FBXO43: variants seen among roughly 807,000 people sequenced by gnomAD.
FBXO43 encodes the protein F-box only protein 43.
In FBXO43, 22 loss-of-function variants were observed where a neutral mutation model predicts 56.7. The observed-to-expected ratio is 0.39, with a 90% confidence interval of 0.28 to 0.55. The LOEUF (loss-of-function observed/expected upper bound fraction) is 0.55, where lower values mean the gene tolerates loss of function less well. Ranked by LOEUF, FBXO43 falls within the 20% of genes least tolerant of loss-of-function variation. The pLI is 0.66. For missense variants in FBXO43, 733 were observed against 814.9 expected, an observed-to-expected ratio of 0.90 and a Z score of 1.22; for synonymous variants, 306 against 294.5, an observed-to-expected ratio of 1.04 and a Z score of -0.40.
chr8:100,148,950 T>G (rs1435581505), upstream of FBXO43, among the ~76,000 whole-genome samples: 1 of 152,196 alleles, frequency 6.6e-6, no homozygotes, highest in African/African-American at 2.4e-5. Context: ...CTCCATAACC[T>G]TCTTAATAAA....
At chr8:100,149,078 T>C (rs879563100), upstream of FBXO43, among the ~76,000 whole-genome samples, 1 of 152,188 alleles carries the variant, frequency 6.6e-6, no homozygotes, top group Non-Finnish European at 1.5e-5. Flanking sequence ...TCATTGATAA[T>C]AGTGTAGCTT....
At chr8:100,139,919 T>C (rs778772572) in intron 2 of FBXO43, among the ~76,000 whole-genome samples, 3 of 152,204 alleles carry the variant, frequency 2.0e-5, no homozygotes, top group Non-Finnish European at 4.4e-5. Context: ...AATAATTAAG[T>C]GGTATTATTT....
intron 1 of FBXO43, among the ~76,000 whole-genome samples, chr8:100,142,908 CCA>C (rs1238454959): frequency 6.6e-6 from 1 of 152,180 alleles, no homozygotes; most frequent in African/African-American, 2.4e-5. Flanking sequence ...GATGCAAGGT[CCA>C]GTTTCAGCCT....
Position 100,140,955 on chromosome 8 carries a change from G to C in FBXO43, c.1299C>G (p.Ser433Arg). 1 of 1,614,194 alleles carries C rather than the reference G, an allele frequency of 6.2e-7. No individual in the cohort carries two copies. Among genetic ancestry groups the C allele is most frequent in the Non-Finnish European group, 8.5e-7 (1 of 1,180,040 alleles). ...CTGGGGTCTTTGATAAATTCTTTAA[G>C]CTAAAGGTCAAATCCCCACTCTCAT... ...SSDESGDLTF[S>R]LKNLSKTPAL... The change falls in exon 2 of 5, where the codon AGC (serine) becomes AGG (arginine). Residue 433 changes from serine (S) to arginine (R), a missense_variant. Coordinates refer to ENST00000428847, the MANE Select transcript of FBXO43 (RefSeq NM_001029860.4).
chr8:100,148,659 C>T (rs369476553), upstream of FBXO43, among the ~76,000 whole-genome samples: 68 of 152,296 alleles, frequency 4.5e-4, no homozygotes, highest in African/African-American at 1.4e-3. Flanking sequence ...GCAATCTGCC[C>T]GCCTCAGCCT....
At position 100,141,381 on chromosome 8, in the gene FBXO43, A is replaced by G; in HGVS notation, c.873T>C (p.Thr291=). The change falls in exon 2 of 5, where the codon ACT becomes ACC. Residue 291 remains threonine (T), a synonymous_variant. Coordinates refer to ENST00000428847, the MANE Select transcript of FBXO43 (RefSeq NM_001029860.4). ...CAAATATGTCCTCATCTGTTCCACA[A>G]GTTGTTCCACTAACAGAGGAGCCCA... ...ELLGSSVSGT[T]CGTDEDIFVT... 2 of 1,613,540 alleles carry G rather than the reference A, an allele frequency of 1.2e-6. No homozygotes were observed. Among genetic ancestry groups the G allele is most frequent in the Non-Finnish European group, 8.5e-7 (1 of 1,180,026 alleles).
Position 100,145,137 on chromosome 8 carries a change from C to T in FBXO43, c.-2G>A. ...CTCATCTTTGTCTTTAAAACTCATG[C>T]CAAAATAATGCCACTTAAAGAGGAA... On this transcript the variant is annotated 5_prime_UTR_variant, in exon 1 of 5. Transcript: ENST00000428847. 6.2e-7 allele frequency: 1 copy of T among 1,605,546 alleles called. No homozygotes were observed. The highest frequency in any genetic ancestry group is 8.5e-7 in the Non-Finnish European group (1 of 1,176,994).
chr8:100,134,662 C>T (rs1586338222), intron 3 of FBXO43, among the ~76,000 whole-genome samples: 1 of 136,716 alleles, frequency 7.3e-6, no homozygotes, highest in Admixed American at 6.9e-5. Context: ...ACCTTTCCTG[C>T]AAAAGGACCA....
rs967905901 is a variant in FBXO43, at chr8:100,141,745, T to C, written c.509A>G (p.Glu170Gly). Residue 170 changes from glutamate (E) to glycine (G), a missense_variant, in exon 2 of 5, where the codon GAA becomes GGA. Glu to Gly is a moderately conservative substitution (Grantham distance 98). Coordinates refer to ENST00000428847, the MANE Select transcript of FBXO43 (RefSeq NM_001029860.4). ...ACTTTCTAAAGAACTATTTTGTGAT[T>C]CAAAGTCCCCTTTTAGAAGAGCGAA... ...VSFALLKGDF[E>G]SQNSSLESSI... is the part of the protein sequence containing the mutation. 11 of 1,595,178 alleles carry C rather than the reference T, an allele frequency of 6.9e-6. No homozygotes were observed. The highest frequency in any genetic ancestry group is 8.5e-6 in the Non-Finnish European group (10 of 1,169,652).
chr8:100,148,825 G>A (rs1048631144), upstream of FBXO43, among the ~76,000 whole-genome samples: 5 of 152,110 alleles, frequency 3.3e-5, no homozygotes, highest in Admixed American at 6.5e-5. Flanking sequence ...CCAATAAAAC[G>A]TAATGGGAGA....
chr8:100,145,151 C>T lies in FBXO43; in HGVS notation c.-16G>A. 6.3e-7 allele frequency: 1 copy of T among 1,597,722 alleles called. No individual in the cohort carries two copies. Among genetic ancestry groups the T allele is most frequent in the Non-Finnish European group, 8.5e-7 (1 of 1,173,556 alleles). ...TAAAACTCATGCCAAAATAATGCCA[C>T]TTAAAGAGGAAAACTTTAGTTTGCA... On this transcript the variant is annotated 5_prime_UTR_variant, in exon 1 of 5. It adds an upstream start codon to the 5' untranslated region. Coordinates refer to ENST00000428847, the MANE Select transcript of FBXO43 (RefSeq NM_001029860.4).
At chr8:100,138,510 A>G (rs1295686764) in intron 2 of FBXO43, among the ~76,000 whole-genome samples, 1 of 152,252 alleles carries the variant, frequency 6.6e-6, no homozygotes, top group Non-Finnish European at 1.5e-5. Context: ...GAAGAAATGA[A>G]CTACATAATT....
intron 2 of FBXO43, among the ~76,000 whole-genome samples, chr8:100,139,805 C>T (rs1227319499): frequency 3.3e-5 from 5 of 152,228 alleles, no homozygotes; most frequent in Non-Finnish European, 7.3e-5. Context: ...TTAACTTTCA[C>T]TGCTGTGTTA....
upstream of FBXO43, among the ~76,000 whole-genome samples, chr8:100,147,334 G>A (rs1486085905): frequency 1.3e-5 from 2 of 152,220 alleles, no homozygotes; most frequent in African/African-American, 4.8e-5. Context: ...CAGAGTGCAT[G>A]AGATAGATTT....
In FBXO43 at chr8:100,140,666, C is replaced by G. The variant is rs1195332400; in HGVS notation, c.1571+17G>C. The G allele has an allele frequency of 2.0e-6, 3 of 1,529,528 alleles. No homozygotes were observed. In the African/African-American group the frequency reaches 4.2e-5, roughly 21 times the overall value. The allele number at this position is 1,529,528 out of a possible 1,614,324, so 94.7% of individuals were successfully genotyped here. A position where few individuals can be genotyped will look rare whatever the true frequency, so the allele number is the denominator to read the frequency against. On this transcript the variant is annotated intron_variant, in intron 2 of 4. Transcript: ENST00000428847. ...AAAAAAAGAAGTTTTATTTCATAAA[C>G]AACTCTTACTTCTTACCTGCATAGG...
upstream of FBXO43, among the ~76,000 whole-genome samples, chr8:100,146,001 C>T (rs3133672): frequency 0.055 from 8,335 of 152,306 alleles, 688 homozygotes; most frequent in African/African-American, 0.17. Flanking sequence ...CAGAAAGGCT[C>T]TGCTTCTCCC....
At position 100,133,918 on chromosome 8, in the gene FBXO43, A is replaced by G; in HGVS notation, c.2011T>C (p.Cys671Arg). Residue 671 changes from cysteine (C) to arginine (R), a missense_variant, in exon 5 of 5, where the codon TGT (cysteine) becomes CGT (arginine). Coordinates refer to ENST00000428847, the MANE Select transcript of FBXO43 (RefSeq NM_001029860.4). ...TCAGACCCATGATAAGCACACAGACATAACACACAAAAGTCAAAACCACAG... is the reference window on the plus strand; with the variant it reads ...TCAGACCCATGATAAGCACACAGACGTAACACACAAAAGTCAAAACCACAG... ...TACGFDFCVL[C>R]LCAYHGSEEC... 6.2e-7 allele frequency: 1 copy of G among 1,614,168 alleles called. No individual in the cohort carries two copies. The highest frequency in any genetic ancestry group is 8.5e-7 in the Non-Finnish European group (1 of 1,180,014).
chr8:100,146,069 G>A (rs752218514), upstream of FBXO43, among the ~76,000 whole-genome samples: 4 of 152,266 alleles, frequency 2.6e-5, no homozygotes, highest in Non-Finnish European at 5.9e-5. Context: ...CCTACAGTGG[G>A]ATGCCATTAG....
Position 100,141,165 on chromosome 8 carries a change from C to T in FBXO43, c.1089G>A (p.Lys363=). ...GSFQELLQKH[K]GTPKVGDTIR... is the part of the protein sequence containing the mutation. ...TGGTGTCCCCAACTTTGGGAGTCCC[C>T]TTATGTTTCTGCAGTAGTTCTTGAA... The change falls in exon 2 of 5, where the codon AAG becomes AAA. Residue 363 remains lysine (K), a synonymous_variant. Coordinates refer to ENST00000428847, the MANE Select transcript of FBXO43 (RefSeq NM_001029860.4). 1 of 1,614,174 alleles carries T rather than the reference C, an allele frequency of 6.2e-7. No individual in the cohort carries two copies. Among genetic ancestry groups the T allele is most frequent in the South Asian group, 1.1e-5 (1 of 91,082 alleles).
Sources: allele counts gnomAD v4.1 joint callset (sites outside exome capture counted in the v4.1 genomes callset), GRCh38; gene constraint gnomAD v4.1.1; transcripts MANE v1.5; gene names NCBI Gene and HGNC (gene_info 2026-07-23, HGNC 2026-07-21).